Variants in POU2F2 observed in about 807,000 individuals in gnomAD.
POU2F2 encodes POU class 2 homeobox 2.
In POU2F2, 14 loss-of-function variants were observed where a neutral mutation model predicts 63.5. That is an observed-to-expected ratio of 0.22 (90% CI 0.15 to 0.34). The LOEUF (loss-of-function observed/expected upper bound fraction) is 0.34, where lower values mean the gene tolerates loss of function less well. POU2F2 is among the 10% of genes least tolerant of loss of function. The pLI, the probability that POU2F2 is intolerant of heterozygous loss-of-function variation, is 1.00. For synonymous variants in POU2F2, 306 were observed against 348.6 expected (o/e 0.88, Z 1.36); for missense variants, 607 against 815.2 (o/e 0.74, Z 3.11).
intron 2 of POU2F2, among the ~76,000 whole-genome samples, chr19:42,138,228 A>G (rs1329272013): frequency 1.3e-5 from 2 of 152,210 alleles, no homozygotes; most frequent in Non-Finnish European, 1.5e-5. Flanking sequence ...ACAGGAAGCA[A>G]TAATTGGTGA....
At chr19:42,138,450 C>T (rs951202766) in intron 2 of POU2F2, among the ~76,000 whole-genome samples, 3 of 152,014 alleles carry the variant, frequency 2.0e-5, no homozygotes, top group East Asian at 1.9e-4. Flanking sequence ...TTGAAGACCC[C>T]AAGGTGGAGA....
chr19:42,109,650 G>T (rs909712150), intron 5 of POU2F2, among the ~76,000 whole-genome samples: 7 of 152,076 alleles, frequency 4.6e-5, no homozygotes, highest in Non-Finnish European at 1.0e-4. Context: ...TTTAGTTTTT[G>T]TTTTTTAAGA....
intron 1 of POU2F2, among the ~76,000 whole-genome samples, chr19:42,184,934 T>C (rs1953357885): frequency 6.6e-6 from 1 of 152,114 alleles, no homozygotes; most frequent in African/African-American, 2.4e-5. Flanking sequence ...AAAATCAACA[T>C]GTCTAATCTA....
At chr19:42,184,709 CCA>C (rs2034996046) in intron 1 of POU2F2, among the ~76,000 whole-genome samples, 1 of 152,038 alleles carries the variant, frequency 6.6e-6, no homozygotes, top group Non-Finnish European at 1.5e-5. Context: ...CAGCATGCAG[CCA>C]CAAATATCTT....
intron 1 of POU2F2, among the ~76,000 whole-genome samples, chr19:42,182,242 AAGAG>A (rs55947953): frequency 0.023 from 2,862 of 125,940 alleles, 71 homozygotes; most frequent in African/African-American, 0.064. Context: ...TCTGTCTCAA[AAGAG>A]AGAGAGAGAG....
chr19:42,110,821 T>G, intron 5 of POU2F2: 1 of 448,040 alleles, frequency 2.2e-6, no homozygotes, highest in Non-Finnish European at 4.5e-6. Context: ...TTCACTTAAT[T>G]GGTCCTTCAT....
intron 2 of POU2F2, among the ~76,000 whole-genome samples, chr19:42,143,983 T>C (rs1025754113): frequency 6.6e-6 from 1 of 152,148 alleles, no homozygotes; most frequent in Non-Finnish European, 1.5e-5. Context: ...ATTACCTCTT[T>C]TCCCCCAAAC....
intron 1 of POU2F2, among the ~76,000 whole-genome samples, chr19:42,184,232 T>A (rs1399893992): frequency 6.6e-6 from 1 of 152,140 alleles, no homozygotes; most frequent in Non-Finnish European, 1.5e-5. Flanking sequence ...GCTTAAGCGA[T>A]CTACTGGCCT....
Position 42,095,724 on chromosome 19 carries a change from A to G in POU2F2, c.872-31T>C. On this transcript the variant is annotated intron_variant, in intron 9 of 14. Transcript: ENST00000692977. The surrounding 1 kb of genome is among the most constrained non-coding windows in gnomAD (Gnocchi z 7.1). Reference sequence around the variant, plus strand: ...CGCCGGGGGAGACGTGAGCATGAGAAGGGGCCTCCCGCGGCCAGCGGCCAC... The same window carrying G: ...CGCCGGGGGAGACGTGAGCATGAGAGGGGGCCTCCCGCGGCCAGCGGCCAC... 1 of 1,612,270 alleles carries G rather than the reference A, an allele frequency of 6.2e-7. No homozygotes were observed. Among genetic ancestry groups the G allele is most frequent in the Non-Finnish European group, 8.5e-7 (1 of 1,179,806 alleles).
At chr19:42,113,365 C>G (rs952615580) in intron 5 of POU2F2, among the ~76,000 whole-genome samples, 5 of 152,146 alleles carry the variant, frequency 3.3e-5, no homozygotes, top group African/African-American at 1.2e-4. Flanking sequence ...ACAGCCCCCT[C>G]GGCAGAAGGC....
At chr19:42,130,276 G>A (rs2033594096) in intron 1 of POU2F2, among the ~76,000 whole-genome samples, 1 of 152,058 alleles carries the variant, frequency 6.6e-6, no homozygotes, top group Admixed American at 6.5e-5. Context: ...TACACACCCA[G>A]ACATGCACAT....
At position 42,091,545 on chromosome 19, in the gene POU2F2, G is replaced by A. The variant is rs189815822; in HGVS notation, c.1587C>T (p.Ser529=). Residue 529 remains serine, a synonymous_variant, in exon 15 of 15, where the codon AGC becomes AGT. Transcript: ENST00000692977. ...CGGCTGCCCCCAGCACCAGATTCCC[G>A]CTGCCATCAAGGCTGGTAAGGGGCA... The part of the protein sequence containing the change: ...GTLPLTSLDG[S]GNLVLGAAGA... 63 of 1,549,472 alleles carry A rather than the reference G, an allele frequency of 4.1e-5. No homozygotes were observed. The highest frequency in any genetic ancestry group is 3.4e-4 in the Middle Eastern group (2 of 5,948).
chr19:42,106,188 C>T (rs2029952974), intron 5 of POU2F2, among the ~76,000 whole-genome samples: 1 of 151,870 alleles, frequency 6.6e-6, no homozygotes, highest in East Asian at 1.9e-4. Context: ...TCACTGCAAC[C>T]TCTGCCTCCC....
intron 5 of POU2F2, among the ~76,000 whole-genome samples, chr19:42,112,912 T>C (rs2031325651): frequency 6.6e-6 from 1 of 152,142 alleles, no homozygotes; most frequent in Non-Finnish European, 1.5e-5. Flanking sequence ...CAGCCTGCCC[T>C]GTTTTCTCAC....
intron 4 of POU2F2, among the ~76,000 whole-genome samples, chr19:42,118,996 A>G (rs2146590295): frequency 6.6e-6 from 1 of 152,300 alleles, no homozygotes; most frequent in Non-Finnish European, 1.5e-5. Flanking sequence ...AGAAAGTTTA[A>G]GAGCTACAGA....
intron 5 of POU2F2, among the ~76,000 whole-genome samples, chr19:42,114,339 G>T (rs564234832): frequency 3.2e-4 from 48 of 152,232 alleles, no homozygotes; most frequent in African/African-American, 9.9e-4. Flanking sequence ...GGCACGGCTG[G>T]GGGGAGGGAA....
At chr19:42,161,419 G>A (rs2034549492) in intron 1 of POU2F2, among the ~76,000 whole-genome samples, 1 of 152,108 alleles carries the variant, frequency 6.6e-6, no homozygotes, top group Admixed American at 6.6e-5. Flanking sequence ...CTGTGTACAA[G>A]ATGGAGAGAA....
chr19:42,111,673 T>C (rs1261175895), intron 5 of POU2F2, among the ~76,000 whole-genome samples: 2 of 152,156 alleles, frequency 1.3e-5, no homozygotes, highest in East Asian at 3.9e-4. Context: ...CTAGGAGTCA[T>C]CCTTGACCTA....
chr19:42,185,762 G>A (rs927960006), intron 1 of POU2F2, among the ~76,000 whole-genome samples: 1 of 152,136 alleles, frequency 6.6e-6, no homozygotes, highest in African/African-American at 2.4e-5. Flanking sequence ...AGAAGGTACC[G>A]GGGACACAAA....
Sources: gnomAD v4.1 joint callset for allele counts (sites outside exome capture counted in the v4.1 genomes callset) on GRCh38, gnomAD v4.1.1 for gene constraint, Gnocchi (gnomAD v3.1) non-coding constraint, MANE v1.5 for transcripts, NCBI Gene and HGNC (gene_info 2026-07-23, HGNC 2026-07-21) for gene names.